AUH: variants seen among roughly 807,000 people sequenced by gnomAD.
AUH encodes AU RNA binding methylglutaconyl-CoA hydratase, also known as methylglutaconyl-CoA hydratase, mitochondrial.
A neutral mutation model predicts 42.3 loss-of-function variants in AUH; 29 were observed. The ratio of observed to expected loss-of-function variants is 0.69; its 90% CI spans 0.51 to 0.93. AUH has a LOEUF of 0.93. AUH is among the 40% of genes least tolerant of loss of function. AUH has a pLI of 0.00. For missense variants in AUH, 452 were observed against 438.1 expected (o/e 1.03, Z -0.28); for synonymous variants, 174 against 166.4 (o/e 1.05, Z -0.35).
chr9:91,350,972 CT>C (rs953809833), intron 3 of AUH, among the ~76,000 whole-genome samples: 49 of 148,760 alleles, frequency 3.3e-4, no homozygotes, highest in Admixed American at 5.4e-4. Context: ...AATCCATGAT[CT>C]TTTTTTTTTC....
At chr9:91,247,971 T>G (rs1219906576) in intron 6 of AUH, among the ~76,000 whole-genome samples, 10 of 152,220 alleles carry the variant, frequency 6.6e-5, no homozygotes, top group Admixed American at 6.5e-4. Flanking sequence ...AGCTCGTACT[T>G]CCATTCTCTT....
intron 3 of AUH, among the ~76,000 whole-genome samples, chr9:91,348,372 T>A (rs891187447): frequency 6.6e-6 from 1 of 152,080 alleles, no homozygotes; most frequent in Non-Finnish European, 1.5e-5. Flanking sequence ...ACACACAGGA[T>A]AAAACCAGTA....
intron 3 of AUH, among the ~76,000 whole-genome samples, chr9:91,333,687 T>C (rs1830495238): frequency 6.6e-6 from 1 of 152,230 alleles, no homozygotes; most frequent in Admixed American, 6.5e-5. Flanking sequence ...GGAAGATGTT[T>C]ACTACAGCAA....
chr9:91,356,219 A>G, intron 1 of AUH, 64 bp from the exon 2 acceptor site: 3 of 1,255,772 alleles, frequency 2.4e-6, no homozygotes, highest in Admixed American at 1.7e-5. Context: ...AACAGACTCT[A>G]CATCACACAT....
chr9:91,350,230 C>T (rs1306388397), intron 3 of AUH, among the ~76,000 whole-genome samples: 1 of 152,148 alleles, frequency 6.6e-6, no homozygotes, highest in Non-Finnish European at 1.5e-5. Flanking sequence ...TGTAGGGCCA[C>T]TAAAATGTCT....
intron 3 of AUH, among the ~76,000 whole-genome samples, chr9:91,336,056 G>A (rs967232187): frequency 6.6e-6 from 1 of 151,936 alleles, no homozygotes; most frequent in African/African-American, 2.4e-5. Flanking sequence ...TGGGGCCAAT[G>A]GACTCCTTAG....
At chr9:91,294,440 C>G (rs998855921) in intron 6 of AUH, among the ~76,000 whole-genome samples, 1 of 152,112 alleles carries the variant, frequency 6.6e-6, no homozygotes, top group Non-Finnish European at 1.5e-5. Flanking sequence ...CCCAGCTACT[C>G]AGGAGGCTGA....
chr9:91,360,851 A>C (rs944349992), intron 1 of AUH, among the ~76,000 whole-genome samples: 3 of 152,230 alleles, frequency 2.0e-5, no homozygotes, highest in Non-Finnish European at 2.9e-5. Context: ...CCTCTGGCTT[A>C]ACCCGGAGGT....
intron 6 of AUH, among the ~76,000 whole-genome samples, chr9:91,249,477 T>C (rs1829001778): frequency 1.3e-5 from 2 of 149,966 alleles, no homozygotes; most frequent in African/African-American, 4.9e-5. Context: ...TTGTGGCTAT[T>C]CTTTGAGCTA....
intron 6 of AUH, among the ~76,000 whole-genome samples, chr9:91,295,670 T>C (rs776762446): frequency 2.0e-5 from 3 of 152,220 alleles, no homozygotes; most frequent in African/African-American, 7.2e-5. Context: ...CAGGTGACCA[T>C]TAGAAAATTT....
intron 6 of AUH, among the ~76,000 whole-genome samples, chr9:91,284,871 A>T (rs1414039908): frequency 6.6e-6 from 1 of 152,184 alleles, no homozygotes; most frequent in African/African-American, 2.4e-5. Flanking sequence ...GGGACTCTAA[A>T]CTAGTTCAAC....
intron 6 of AUH, 129 bp downstream of exon 6, chr9:91,295,892 A>G: frequency 2.0e-6 from 2 of 1,024,240 alleles, no homozygotes; most frequent in Non-Finnish European, 3.0e-6. Context: ...GGACTTTGCT[A>G]GGGATGCAAA....
chr9:91,293,095 G>A (rs1341736189), intron 6 of AUH, among the ~76,000 whole-genome samples: 1 of 152,126 alleles, frequency 6.6e-6, no homozygotes, highest in East Asian at 1.9e-4. Flanking sequence ...CATGTATTCT[G>A]ACGGCTCAAC....
intron 5 of AUH, among the ~76,000 whole-genome samples, chr9:91,296,501 C>G (rs201956323): frequency 3.3e-5 from 5 of 152,190 alleles, no homozygotes; most frequent in Non-Finnish European, 7.3e-5. Context: ...TCAGATATGG[C>G]AACTTTTCAA....
At chr9:91,344,991 A>C (rs529685591) in intron 3 of AUH, among the ~76,000 whole-genome samples, 1 of 150,472 alleles carries the variant, frequency 6.6e-6, no homozygotes, top group South Asian at 2.1e-4. Context: ...GATTTGACAA[A>C]ATTCAATACA....
intron 7 of AUH, chr9:91,218,600 GTAAAGTT>G: frequency 1.0e-6 from 1 of 984,344 alleles, no homozygotes; most frequent in African/African-American, 1.7e-5. Flanking sequence ...ACTTTGGGAA[GTAAAGTT>G]TAGAAAGCCA....
intron 6 of AUH, among the ~76,000 whole-genome samples, chr9:91,264,117 T>TAC (rs1308001153): frequency 3.9e-5 from 6 of 152,276 alleles, no homozygotes; most frequent in East Asian, 1.9e-4. Context: ...ATATTATATA[T>TAC]ACACACACAT....
chr9:91,243,501 A>G (rs1159135829), intron 6 of AUH, among the ~76,000 whole-genome samples: 1 of 152,074 alleles, frequency 6.6e-6, no homozygotes, highest in East Asian at 1.9e-4. Flanking sequence ...GGTGCACAAC[A>G]CTCTGCCTCC....
intron 3 of AUH, among the ~76,000 whole-genome samples, chr9:91,330,210 T>C (rs1214397064): frequency 1.1e-4 from 16 of 152,148 alleles, no homozygotes; most frequent in Admixed American, 6.5e-4. Flanking sequence ...CTCGAAAAGA[T>C]ATCACTTTCA....
Sources: allele counts gnomAD v4.1 joint callset (sites outside exome capture counted in the v4.1 genomes callset), GRCh38; gene constraint gnomAD v4.1.1; transcripts MANE v1.5; gene names NCBI Gene and HGNC (gene_info 2026-07-23, HGNC 2026-07-21).